SIPA1L1: variants seen among roughly 807,000 people sequenced by gnomAD.
SIPA1L1 encodes the protein signal induced proliferation associated 1 like 1.
SIPA1L1 carries 26 observed loss-of-function variants against 162.7 expected under a neutral mutation model. That is an observed-to-expected ratio of 0.16 (90% CI 0.12 to 0.22). The LOEUF is 0.22. Among genes scored for constraint, SIPA1L1 ranks in the 10% least tolerant of loss-of-function variants. The pLI is 1.00. For synonymous variants in SIPA1L1, 829 were observed against 837.4 expected, an observed-to-expected ratio of 0.99 and a Z score of 0.17; for missense variants, 1,874 against 2,241.0, an observed-to-expected ratio of 0.84 and a Z score of 3.31.
intron 10 of SIPA1L1, among the ~76,000 whole-genome samples, chr14:71,670,724 T>G (rs1344017320): frequency 6.6e-6 from 1 of 152,248 alleles, no homozygotes; most frequent in African/African-American, 2.4e-5. Flanking sequence ...GAATGTATGC[T>G]TGTTCTGAAA....
chr14:71,577,070 A>C (rs1403568228), intron 4 of SIPA1L1, among the ~76,000 whole-genome samples: 1 of 32,946 alleles, frequency 3.0e-5, no homozygotes, highest in Non-Finnish European at 7.1e-5. Context: ...GTGACAGAGC[A>C]AAAAAAAAAA....
At chr14:71,709,832 T>A (rs1034279096) in intron 17 of SIPA1L1, among the ~76,000 whole-genome samples, 168 bp downstream of exon 17, 2 of 152,236 alleles carry the variant, frequency 1.3e-5, no homozygotes, top group African/African-American at 4.8e-5. Flanking sequence ...AATACTTTAA[T>A]CCTGCAATTT....
chr14:71,736,698 C>G (rs577537135), intron 22 of SIPA1L1, among the ~76,000 whole-genome samples: 123 of 152,290 alleles, frequency 8.1e-4, no homozygotes, highest in African/African-American at 2.9e-3. Context: ...ATCCCAGAAG[C>G]AAGCCCCAAA....
In SIPA1L1 at chr14:71,587,916, C is replaced by A. The variant is rs766062172; in HGVS notation, c.44C>A (p.Thr15Asn). 1 of 1,612,816 alleles carries A rather than the reference C, an allele frequency of 6.2e-7. No homozygotes were observed. The highest frequency in any genetic ancestry group is 8.5e-7 in the Non-Finnish European group (1 of 1,178,894). ...TCACAGACAGAAAGGCCTCTTGCCA[C>A]TGACAGGGCCTCTGTTGTTGGCACA... is the stretch of plus-strand genomic sequence containing the variant. ...KRSQTERPLA[T>N]DRASVVGTDG... Residue 15 changes from threonine (T) to asparagine (N), a missense_variant, in exon 5 of 24, where the codon ACT becomes AAT. By Grantham distance (65) the Thr-to-Asn change is moderately conservative. Coordinates refer to ENST00000381232, the MANE Select transcript of SIPA1L1 (RefSeq NM_001386936.1).
At chr14:71,563,592 T>C (rs905219782) in intron 4 of SIPA1L1, among the ~76,000 whole-genome samples, 1 of 152,260 alleles carries the variant, frequency 6.6e-6, no homozygotes, top group Non-Finnish European at 1.5e-5. Flanking sequence ...ACTAAGCTAC[T>C]TCTCATGACC....
chr14:71,344,726 A>AT (rs1471367760), intron 2 of SIPA1L1, among the ~76,000 whole-genome samples: 1 of 151,864 alleles, frequency 6.6e-6, no homozygotes, highest in East Asian at 1.9e-4. Flanking sequence ...TGCCCAGCTA[A>AT]TTTTTTGTAT....
intron 2 of SIPA1L1, among the ~76,000 whole-genome samples, chr14:71,405,372 G>T (rs1316873125): frequency 2.0e-5 from 3 of 152,198 alleles, no homozygotes; most frequent in Non-Finnish European, 4.4e-5. Flanking sequence ...GGTTCCAGAT[G>T]AAATTGAAGA....
In SIPA1L1 at chr14:71,380,282, T is replaced by G. The variant is rs113268116; in HGVS notation, c.-465+59101T>G. On this transcript the variant is annotated intron_variant, in intron 2 of 23. Transcript: ENST00000381232. ...ATTAAATGGTTCTTGTAGATAACTT[T>G]TAGTTGAATATCCTTTGTGGTGTAA... Among the ~76,000 whole-genome samples the G allele has an allele frequency of 5.6e-4, 86 of 152,366 alleles. 2 individuals are homozygous for G. The highest frequency in any genetic ancestry group is 1.9e-3 in the African/African-American group (81 of 41,594).
intron 12 of SIPA1L1, among the ~76,000 whole-genome samples, chr14:71,673,469 C>T (rs1268756929): frequency 6.6e-6 from 1 of 152,140 alleles, no homozygotes; most frequent in African/African-American, 2.4e-5. Flanking sequence ...CCTATTTTGC[C>T]ACTAAGATGA....
chr14:71,690,610 C>G lies in SIPA1L1; in HGVS notation c.3374+4979C>G, dbSNP rs566003841. 2.6e-5 allele frequency among the ~76,000 whole-genome samples: 4 copies of G among 152,202 alleles called. No individual in the cohort carries two copies. The South Asian group carries it at 8.3e-4, about 32-fold the overall frequency. ...TCCTTAGCTTATTTGATACCATTCA[C>G]TACTCCCTCCTTCTTCAAATTACAT... On this transcript the variant is annotated intron_variant, in intron 13 of 23. Coordinates refer to ENST00000381232, the MANE Select transcript of SIPA1L1 (RefSeq NM_001386936.1).
chr14:71,638,380 T>TC (rs2041374680), intron 7 of SIPA1L1, among the ~76,000 whole-genome samples: 1 of 152,218 alleles, frequency 6.6e-6, no homozygotes, highest in African/African-American at 2.4e-5. Context: ...CAAGGCTGAT[T>TC]CAGTATTGAA....
At chr14:71,694,785 T>G (rs1170993437) in intron 13 of SIPA1L1, among the ~76,000 whole-genome samples, 1 of 152,222 alleles carries the variant, frequency 6.6e-6, no homozygotes, top group Admixed American at 6.5e-5. Context: ...ATCAGACGTT[T>G]GGGGCTCTTT....
chr14:71,485,401 C>T (rs1241571203), intron 2 of SIPA1L1, among the ~76,000 whole-genome samples: 1 of 152,170 alleles, frequency 6.6e-6, no homozygotes, highest in Non-Finnish European at 1.5e-5. Flanking sequence ...AGCTGCTCCC[C>T]ATTGCCCATT....
At chr14:71,468,664 C>T (rs1408535205) in intron 2 of SIPA1L1, among the ~76,000 whole-genome samples, 4 of 152,136 alleles carry the variant, frequency 2.6e-5, no homozygotes, top group Non-Finnish European at 4.4e-5. Flanking sequence ...TCATGAGATT[C>T]GGACAGGGGC....
chr14:71,505,868 ATG>A (rs890209509), intron 2 of SIPA1L1, among the ~76,000 whole-genome samples: 1 of 151,884 alleles, frequency 6.6e-6, no homozygotes, highest in Non-Finnish European at 1.5e-5. Context: ...CCTTCAGGCT[ATG>A]TGTATAAGGT....
At chr14:71,547,158 A>C (rs1020025497) in intron 4 of SIPA1L1, among the ~76,000 whole-genome samples, 1 of 152,016 alleles carries the variant, frequency 6.6e-6, no homozygotes, top group African/African-American at 2.4e-5. Context: ...ATTCTATGGA[A>C]TGTTATATGT....
chr14:71,730,029 T>A, intron 19 of SIPA1L1, 26 bp from the exon 20 acceptor site: 1 of 1,603,042 alleles, frequency 6.2e-7, no homozygotes, highest in Non-Finnish European at 8.5e-7. Flanking sequence ...AAATTGACTT[T>A]CTTTTGTCTT....
chr14:71,421,778 G>A (rs1031046082), intron 2 of SIPA1L1, among the ~76,000 whole-genome samples: 2 of 152,040 alleles, frequency 1.3e-5, no homozygotes, highest in African/African-American at 2.4e-5. Context: ...TGGATTGAAA[G>A]TCCATTTGGT....
intron 2 of SIPA1L1, among the ~76,000 whole-genome samples, chr14:71,489,960 T>C (rs1478611863): frequency 6.6e-6 from 1 of 152,196 alleles, no homozygotes; most frequent in Non-Finnish European, 1.5e-5. Context: ...GAATAATCAG[T>C]TATCAAAATA....
Sources: allele counts gnomAD v4.1 joint callset (sites outside exome capture counted in the v4.1 genomes callset), GRCh38; gene constraint gnomAD v4.1.1; transcripts MANE v1.5; gene names NCBI Gene and HGNC (gene_info 2026-07-23, HGNC 2026-07-21).